Variants in FHIP2B observed in about 807,000 individuals in gnomAD.
The protein encoded by FHIP2B is FHF complex subunit HOOK interacting protein 2B.
Under a neutral mutation model 84.0 loss-of-function variants are expected in FHIP2B, and 72 were observed. That is an observed-to-expected ratio of 0.86 (90% CI 0.71 to 1.04). The LOEUF (loss-of-function observed/expected upper bound fraction) is 1.04. Among genes scored for constraint, FHIP2B ranks in the 50% least tolerant of loss-of-function variants. The probability of loss-of-function intolerance (pLI) is 0.00; values close to 1 mark genes in which losing one functional copy is unlikely to be tolerated. For missense variants in FHIP2B, 972 were observed against 968.9 expected (o/e 1.00, Z -0.04); for synonymous variants, 497 against 418.7 (o/e 1.19, Z -2.28).
intron 13 of FHIP2B, 31 bp from the exon 14 acceptor site, chr8:22,101,676 GC>G (rs1826123637): frequency 6.3e-7 from 1 of 1,586,504 alleles, no homozygotes; most frequent in Non-Finnish European, 8.6e-7. Context: ...CAGTCCCCAG[GC>G]CCACTGCCTC....
intron 10 of FHIP2B, chr8:22,100,322 C>G: frequency 2.4e-6 from 1 of 419,404 alleles, no homozygotes; most frequent in Non-Finnish European, 4.2e-6. Context: ...GGTTGATACT[C>G]CCATTTCTCA....
chr8:22,101,646 G>A, intron 13 of FHIP2B, 62 bp from the exon 14 acceptor site: 2 of 1,564,084 alleles, frequency 1.3e-6, no homozygotes, highest in Non-Finnish European at 1.7e-6. Flanking sequence ...CTCCTGCGTG[G>A]GGCCCTGTCT....
chr8:22,102,475 G>A, intron 15 of FHIP2B, 53 bp from the exon 16 acceptor site: 1 of 1,540,194 alleles, frequency 6.5e-7, no homozygotes, highest in South Asian at 1.2e-5. Flanking sequence ...CAGGGCCAGG[G>A]GACTCACTGG....
intron 10 of FHIP2B, 190 bp from the exon 11 acceptor site, chr8:22,100,404 G>T: frequency 2.0e-6 from 1 of 512,818 alleles, no homozygotes; most frequent in Non-Finnish European, 3.2e-6. Context: ...TCACATACCA[G>T]GGACCACCCA....
In FHIP2B at chr8:22,104,415, C is replaced by T. The variant is rs1826290896; in HGVS notation, c.*1484C>T. 6.6e-6 allele frequency: 1 copy of T among 152,452 alleles called. No individual in the cohort carries two copies. 9.4% of individuals were successfully genotyped at this position (152,452 alleles called of 1,614,324 possible). On this transcript the variant is annotated 3_prime_UTR_variant, in exon 17 of 17. Transcript: ENST00000289921. ...TCTGTTCTTGGCCAAGTTTCCCCAC[C>T]TTCTGCCCAGGACTCCACTGCTAAT...
intron 10 of FHIP2B, 41 bp downstream of exon 10, chr8:22,099,934 C>G (rs751603059): frequency 6.5e-6 from 10 of 1,530,318 alleles, no homozygotes; most frequent in Non-Finnish European, 8.7e-6. Flanking sequence ...CTCACCACCC[C>G]TGCCAGAGGG....
At position 22,098,255 on chromosome 8, in the gene FHIP2B, G is replaced by C; in HGVS notation, c.713G>C (p.Gly238Ala). ...CCTGCTGAGACCGAGGAGCTGGACG[G>C]TGGGACCACAGAGAGCAACCTGATT... ...HMPAETEELD[G>A]GTTESNLITS... The change falls in exon 6 of 17, where the codon GGT (glycine) becomes GCT (alanine). Residue 238 changes from glycine to alanine, a missense_variant. Gly to Ala is a moderately conservative substitution (Grantham distance 60, BLOSUM62 0). Coordinates refer to ENST00000289921, the MANE Select transcript of FHIP2B (RefSeq NM_022749.7). The C allele has an allele frequency of 6.3e-7, 1 of 1,593,254 alleles. No individual in the cohort carries two copies. The highest frequency in any genetic ancestry group is 8.5e-7 in the Non-Finnish European group (1 of 1,170,936).
At chr8:22,096,650 G>GGTGGGCA in intron 3 of FHIP2B, 141 bp downstream of exon 3, 1 of 1,217,876 alleles carries the variant, frequency 8.2e-7, no homozygotes, top group Non-Finnish European at 1.1e-6. Flanking sequence ...TGAGGTGGGC[G>GGTGGGCA]GTGGGCAGTG....
chr8:22,101,277 C>T, intron 12 of FHIP2B, 163 bp from the exon 13 acceptor site: 1 of 661,804 alleles, frequency 1.5e-6, no homozygotes, highest in South Asian at 1.9e-5. Flanking sequence ...CCCACCTCAG[C>T]CTCCCAAAGT....
rs1485658829 is a variant in FHIP2B, at chr8:22,101,823, T to C, written c.1823T>C (p.Phe608Ser). ...GAGGGCCACTTCCTCCGAGTGCTGT[T>C]TGACCGCATGTCCCGGATTCTGGAT... The part of the protein sequence containing the change: ...FFEGHFLRVL[F>S]DRMSRILDQP... Residue 608 changes from phenylalanine (F) to serine (S), a missense_variant, in exon 14 of 17, where the codon TTT (phenylalanine) becomes TCT (serine). Physicochemically the swap from Phe to Ser is radical, Grantham distance 155 (BLOSUM62 -2). Transcript: ENST00000289921. 1 of 1,613,660 alleles carries C rather than the reference T, an allele frequency of 6.2e-7. No homozygotes were observed. Among genetic ancestry groups the C allele is most frequent in the Non-Finnish European group, 8.5e-7 (1 of 1,179,830 alleles).
intron 10 of FHIP2B, chr8:22,100,256 T>G: frequency 2.7e-6 from 1 of 372,358 alleles, no homozygotes. Flanking sequence ...GTATTTTATA[T>G]TTTGCACACT....
rs768451629 is a variant in FHIP2B, at chr8:22,102,971, T to C, written c.*40T>C. 10 of 1,597,032 alleles carry C rather than the reference T, an allele frequency of 6.3e-6. No homozygotes were observed. The highest frequency in any genetic ancestry group is 1.7e-5 in the Admixed American group (1 of 58,698). On this transcript the variant is annotated 3_prime_UTR_variant, in exon 17 of 17. Coordinates refer to ENST00000289921, the MANE Select transcript of FHIP2B (RefSeq NM_022749.7). ...GGTGGGAGACTCCTGTCCACACCTC[T>C]GCCCCAGAGCTGCCTCCTGCCTGGC...
chr8:22,098,180 C>T lies in FHIP2B; in HGVS notation c.638C>T (p.Pro213Leu). Residue 213 changes from proline (P) to leucine (L), a missense_variant, in exon 6 of 17, where the codon CCC (proline) becomes CTC (leucine). Pro to Leu is a moderately conservative substitution (Grantham distance 98). Coordinates refer to ENST00000289921, the MANE Select transcript of FHIP2B (RefSeq NM_022749.7). The part of the protein sequence containing the change: ...DCSHDGAPAR[P>L]QLDGESCGAQ... ...TCCCACGATGGTGCTCCTGCCAGGCCCCAGCTGGACGGGGAGTCCTGTGGG... is the reference window on the plus strand; with the variant it reads ...TCCCACGATGGTGCTCCTGCCAGGCTCCAGCTGGACGGGGAGTCCTGTGGG... The T allele has an allele frequency of 6.3e-7, 1 of 1,575,816 alleles. No individual in the cohort carries two copies. Among genetic ancestry groups the T allele is most frequent in the South Asian group, 1.2e-5 (1 of 86,046 alleles).
chr8:22,094,671 A>C, intron 2 of FHIP2B, 153 bp downstream of exon 2: 1 of 1,484,480 alleles, frequency 6.7e-7, no homozygotes. Context: ...CCAGACAGAC[A>C]GAAGACCCAG....
In FHIP2B at chr8:22,089,884, C is replaced by T. The variant is rs1001102400; in HGVS notation, c.45+586C>T. 10 of 1,250,388 alleles carry T rather than the reference C, an allele frequency of 8.0e-6. No individual in the cohort carries two copies. In the East Asian group the frequency reaches 4.1e-4, roughly 51 times the overall value. 77.5% of individuals were successfully genotyped at this position (1,250,388 alleles called of 1,614,324 possible). On this transcript the variant is annotated intron_variant, in intron 1 of 16. Coordinates refer to ENST00000289921, the MANE Select transcript of FHIP2B (RefSeq NM_022749.7). The stretch of plus-strand genomic sequence containing the variant: ...AGACCCGGGGCAGGCTGGTGGGCCC[C>T]CAGCCGGGGAAATCGCCTTCTATTG...
rs760995584 is a variant in FHIP2B, at chr8:22,101,452, G to A, written c.1629G>A (p.Leu543=). ...VTEIVNSFLC[L]VPEEAKTSAF... ...TTCTATCTCTCAGTTTCCTGTGCCT[G>A]GTCCCCGAGGAAGCCAAGACCTCTG... is the stretch of plus-strand genomic sequence containing the variant. Residue 543 remains leucine (L), a synonymous_variant, in exon 13 of 17, where the codon CTG becomes CTA. Transcript: ENST00000289921. 1 of 1,610,146 alleles carries A rather than the reference G, an allele frequency of 6.2e-7. No homozygotes were observed. Among genetic ancestry groups the A allele is most frequent in the Non-Finnish European group, 8.5e-7 (1 of 1,177,922 alleles).
intron 10 of FHIP2B, chr8:22,100,279 A>G (rs1826030834): frequency 2.6e-6 from 1 of 385,736 alleles, no homozygotes; most frequent in East Asian, 4.6e-5. Context: ...GCTCGCTGGA[A>G]GGCTAACACG....
At chr8:22,102,485 G>T in intron 15 of FHIP2B, 43 bp from the exon 16 acceptor site, 1 of 1,543,860 alleles carries the variant, frequency 6.5e-7, no homozygotes, top group Non-Finnish European at 8.8e-7. Context: ...GGACTCACTG[G>T]TGTTGCTGGC....
chr8:22,097,003 G>C (rs1352360624), intron 3 of FHIP2B: 1 of 176,640 alleles, frequency 5.7e-6, no homozygotes, highest in East Asian at 1.6e-4. Context: ...GTTATCGTGA[G>C]ACCGCACTCC....
Sources: allele counts gnomAD v4.1 joint callset, GRCh38; gene constraint gnomAD v4.1.1; transcripts MANE v1.5; gene names NCBI Gene and HGNC (gene_info 2026-07-23, HGNC 2026-07-21).